Variants in C9orf153 observed in about 807,000 individuals in gnomAD.
C9orf153 encodes chromosome 9 open reading frame 153.
Under a neutral mutation model 9.0 loss-of-function variants are expected in C9orf153, and 10 were observed. The ratio of observed to expected loss-of-function variants is 1.11; its 90% confidence interval spans 0.69 to 1.89. C9orf153 has a LOEUF of 1.89. Ranked by LOEUF, C9orf153 falls within the 40% of genes most tolerant of loss-of-function variation. The pLI, the probability that C9orf153 is intolerant of heterozygous loss-of-function variation, is 0.00. For missense variants in C9orf153, 108 were observed against 111.0 expected (o/e 0.97, Z 0.12); for synonymous variants, 35 against 37.3 (o/e 0.94, Z 0.23).
intron 3 of C9orf153, among the ~76,000 whole-genome samples, chr9:86,225,143 C>T (rs1349478328): frequency 6.6e-6 from 1 of 152,034 alleles, no homozygotes; most frequent in Non-Finnish European, 1.5e-5. Context: ...TTTCCTCCCC[C>T]GGTGCTTGGT....
chr9:86,222,458 C>A (rs1824226677), intron 3 of C9orf153, among the ~76,000 whole-genome samples: 1 of 152,150 alleles, frequency 6.6e-6, no homozygotes, highest in Non-Finnish European at 1.5e-5. Context: ...AGTGTCATTT[C>A]TTCCAAGATG....
At chr9:86,235,474 A>G (rs535134295) in intron 1 of C9orf153, among the ~76,000 whole-genome samples, 1 of 152,156 alleles carries the variant, frequency 6.6e-6, no homozygotes, top group African/African-American at 2.4e-5. Flanking sequence ...AAGAGAAAAA[A>G]GGCCAGGTGT....
intron 1 of C9orf153, among the ~76,000 whole-genome samples, chr9:86,241,776 C>T (rs539985556): frequency 1.8e-4 from 28 of 152,096 alleles, no homozygotes; most frequent in African/African-American, 3.9e-4. Context: ...CAGGTGCCCA[C>T]GACCAGGCCT....
intron 1 of C9orf153, among the ~76,000 whole-genome samples, chr9:86,242,834 A>G (rs1432280141): frequency 6.6e-6 from 1 of 151,830 alleles, no homozygotes; most frequent in Non-Finnish European, 1.5e-5. Context: ...ACCCACCACC[A>G]CGCCCAGCTA....
intron 1 of C9orf153, among the ~76,000 whole-genome samples, chr9:86,240,588 G>A (rs1027092052): frequency 6.6e-6 from 1 of 151,894 alleles, no homozygotes; most frequent in Non-Finnish European, 1.5e-5. Flanking sequence ...ATGTTGGCCA[G>A]GCTGGTCTTA....
Position 86,227,930 on chromosome 9 carries a change from A to G in C9orf153, c.167T>C (p.Val56Ala), listed in dbSNP as rs75786767. The change falls in exon 3 of 4, where the codon GTA (valine) becomes GCA (alanine). Residue 56 changes from valine to alanine, a missense_variant. Coordinates refer to ENST00000339137, the MANE Select transcript of C9orf153 (RefSeq NM_001276366.4). ...HGISLNEAQE[V>A]LARNLNVMSF... The stretch of plus-strand genomic sequence containing the variant: ...CATGACATTCAGGTTTCTAGCAAGT[A>G]CTTCCTGTGCTTCGTTAAGTGAAAT... The G allele has an allele frequency of 4.5e-4, 726 of 1,613,904 alleles. 2 individuals are homozygous for G. The African/African-American group carries it at 8.7e-3, about 19-fold the overall frequency.
intron 1 of C9orf153, among the ~76,000 whole-genome samples, chr9:86,240,831 C>T (rs529627619): frequency 2.9e-4 from 44 of 150,822 alleles, no homozygotes; most frequent in Non-Finnish European, 5.6e-4. Flanking sequence ...ACCTCAGCCT[C>T]CCGAGTAGCT....
rs1268293490 is a variant in C9orf153, at chr9:86,220,895, T to C, written c.*793A>G. On this transcript the variant is annotated 3_prime_UTR_variant, in exon 4 of 4. Transcript: ENST00000339137. ...TTACAGTGCTATGATCTCTAAGCTT[T>C]TCAATGCTGTCTTCCAACTTGTTAG... 1 of 152,202 alleles carries C rather than the reference T, an allele frequency of 6.6e-6. No homozygotes were observed. The highest frequency in any genetic ancestry group is 1.5e-5 in the Non-Finnish European group (1 of 68,042). The allele number at this position is 152,202 out of a possible 1,614,324, so 9.4% of individuals were successfully genotyped here. A position where few individuals can be genotyped will look rare whatever the true frequency, so the allele number is the denominator to read the frequency against.
At chr9:86,249,587 C>T (rs1824950076) in intron 1 of C9orf153, among the ~76,000 whole-genome samples, 2 of 149,408 alleles carry the variant, frequency 1.3e-5, no homozygotes, top group Non-Finnish European at 3.0e-5. Flanking sequence ...CTTACTCTGT[C>T]ACCCAGGTTG....
intron 3 of C9orf153, among the ~76,000 whole-genome samples, chr9:86,225,205 T>G (rs193220536): frequency 1.1e-4 from 17 of 152,194 alleles, no homozygotes; most frequent in African/African-American, 3.6e-4. Flanking sequence ...GATCCTAAAG[T>G]TCTTCTGGAC....
rs553163161 is a variant in C9orf153, at chr9:86,229,542, C to A, written c.62G>T (p.Cys21Phe). 2 of 1,605,698 alleles carry A rather than the reference C, an allele frequency of 1.2e-6. No homozygotes were observed. The highest frequency in any genetic ancestry group is 2.2e-5 in the East Asian group (1 of 44,834). The change falls in exon 2 of 4, where the codon TGT (cysteine) becomes TTT (phenylalanine). Residue 21 changes from cysteine to phenylalanine, a missense_variant. Coordinates refer to ENST00000339137, the MANE Select transcript of C9orf153 (RefSeq NM_001276366.4). ...TGTACAATGTTAAGTACATACTGAACATTGAGGAAGGGTGGCTTCTCTATT... is the reference window on the plus strand; with the variant it reads ...TGTACAATGTTAAGTACATACTGAAAATTGAGGAAGGGTGGCTTCTCTATT... ...EDNREATLPQ[C>F]SLPELYACIE...
At chr9:86,257,024 A>G (rs557644069) in intron 1 of C9orf153, among the ~76,000 whole-genome samples, 105 of 152,278 alleles carry the variant, frequency 6.9e-4, no homozygotes, top group Middle Eastern at 3.4e-3. Flanking sequence ...AAAGAAGCTT[A>G]CGGTATTTTA....
intron 1 of C9orf153, among the ~76,000 whole-genome samples, chr9:86,257,522 G>A (rs1216906114): frequency 6.6e-6 from 1 of 152,134 alleles, no homozygotes; most frequent in Non-Finnish European, 1.5e-5. Context: ...GCTCCTGCCT[G>A]GTCTTTCCCC....
At chr9:86,247,080 CT>C (rs1824885096) in intron 1 of C9orf153, among the ~76,000 whole-genome samples, 1 of 152,232 alleles carries the variant, frequency 6.6e-6, no homozygotes. Flanking sequence ...AACAGCACCA[CT>C]GTCAGGACAT....
chr9:86,257,664 T>G (rs567966649), intron 1 of C9orf153, among the ~76,000 whole-genome samples: 17 of 152,354 alleles, frequency 1.1e-4, no homozygotes, highest in Admixed American at 7.8e-4. Flanking sequence ...TTAGGCCTTC[T>G]GCTTTAGTTG....
At chr9:86,246,456 G>C (rs947946057) in intron 1 of C9orf153, among the ~76,000 whole-genome samples, 1 of 152,138 alleles carries the variant, frequency 6.6e-6, no homozygotes, top group Middle Eastern at 3.4e-3. Flanking sequence ...TTTCAGTCCT[G>C]ACAAGCAGAG....
intron 3 of C9orf153, among the ~76,000 whole-genome samples, chr9:86,226,663 A>G (rs977621105): frequency 6.6e-5 from 10 of 152,138 alleles, no homozygotes; most frequent in African/African-American, 2.4e-4. Context: ...ATGACAAAAT[A>G]TTACCTCTCT....
intron 3 of C9orf153, among the ~76,000 whole-genome samples, chr9:86,223,248 C>G (rs1330544317): frequency 1.3e-5 from 2 of 152,022 alleles, no homozygotes; most frequent in African/African-American, 2.4e-5. Context: ...GGTGACCCAC[C>G]TACCTCGGCC....
At chr9:86,226,967 T>C (rs969008804) in intron 3 of C9orf153, among the ~76,000 whole-genome samples, 2 of 152,188 alleles carry the variant, frequency 1.3e-5, no homozygotes, top group African/African-American at 4.8e-5. Context: ...TGTTTCACCA[T>C]GTTGGCCAGG....
Sources: allele counts gnomAD v4.1 joint callset (sites outside exome capture counted in the v4.1 genomes callset), GRCh38; gene constraint gnomAD v4.1.1; transcripts MANE v1.5; gene names NCBI Gene and HGNC (gene_info 2026-07-23, HGNC 2026-07-21).